The following ARHGEF10L variants were observed in gnomAD, a reference collection of about 807,000 sequenced individuals.
ARHGEF10L encodes the protein Rho guanine nucleotide exchange factor 10 like, also known as rho guanine nucleotide exchange factor 10-like protein.
A neutral mutation model predicts 141.2 loss-of-function variants in ARHGEF10L; 69 were observed. The ratio of observed to expected loss-of-function variants is 0.49; its 90% CI spans 0.40 to 0.60. The LOEUF (loss-of-function observed/expected upper bound fraction) is 0.60. Among genes scored for constraint, ARHGEF10L ranks in the 20% least tolerant of loss-of-function variants. The pLI, the probability that ARHGEF10L is intolerant of heterozygous loss-of-function variation, is 0.00. For synonymous variants in ARHGEF10L, 711 were observed against 718.5 expected (o/e 0.99, Z 0.17); for missense variants, 1,482 against 1,734.3 (o/e 0.85, Z 2.58).
intron 21 of ARHGEF10L, among the ~76,000 whole-genome samples, chr1:17,645,786 C>T (rs2061564461): frequency 6.6e-6 from 1 of 152,246 alleles, no homozygotes; most frequent in South Asian, 2.1e-4. Flanking sequence ...GGATCTTCCC[C>T]TGCTTTCCCC....
intron 25 of ARHGEF10L, among the ~76,000 whole-genome samples, chr1:17,661,392 G>T (rs1007926128): frequency 6.6e-6 from 1 of 152,102 alleles, no homozygotes; most frequent in African/African-American, 2.4e-5. Flanking sequence ...TGAGTTTTTT[G>T]ATCTATCAGT....
rs1420991134 is a variant in ARHGEF10L, at chr1:17,539,730, C to T, written c.-264C>T. 1.4e-5 allele frequency: 2 copies of T among 146,306 alleles called. No individual in the cohort carries two copies. Among genetic ancestry groups the T allele is most frequent in the Admixed American group, 1.4e-4 (2 of 14,682 alleles). 9.1% of individuals were successfully genotyped at this position (146,306 alleles called of 1,614,324 possible). A position where few individuals can be genotyped will look rare whatever the true frequency, so the allele number is the denominator to read the frequency against. On this transcript the variant is annotated 5_prime_UTR_variant, in exon 1 of 29. Transcript: ENST00000361221. The surrounding 1 kb of genome is among the most constrained non-coding windows in gnomAD (Gnocchi z 6.0). ...GCACGGCGGCGGCGGCGGGACCAGG[C>T]CTCGGAGCGCGGCGGGCGCGGGCGC... is the stretch of plus-strand genomic sequence containing the variant.
intron 1 of ARHGEF10L, among the ~76,000 whole-genome samples, chr1:17,545,112 T>C (rs2076871831): frequency 1.3e-5 from 2 of 151,978 alleles, no homozygotes; most frequent in Admixed American, 1.3e-4. Context: ...TGGGTGTGGG[T>C]GTGTGTGTAA....
Position 17,664,575 on chromosome 1 carries a change from G to A in ARHGEF10L, c.2989G>A (p.Ala997Thr), listed in dbSNP as rs1362270494. ...SCGPRVTVLE[A>T]TTLQPQQSFE... Reference sequence around the variant, plus strand: ...TGGGCCCCGGGTCACTGTCCTGGAAGCCACCACCCTGCAGCCTCAGGTACT... The same window carrying A: ...TGGGCCCCGGGTCACTGTCCTGGAAACCACCACCCTGCAGCCTCAGGTACT... The change falls in exon 26 of 29, where the codon GCC becomes ACC. Residue 997 changes from alanine (A) to threonine (T), a missense_variant. Around this residue, in one of 3 missense-constraint regions of ARHGEF10L, gnomAD observed 858 missense variants for 966.3 expected, o/e 0.89. Coordinates refer to ENST00000361221, the MANE Select transcript of ARHGEF10L (RefSeq NM_018125.4). 1 of 1,600,900 alleles carries A rather than the reference G, an allele frequency of 6.2e-7. No individual in the cohort carries two copies. Among genetic ancestry groups the A allele is most frequent in the Non-Finnish European group, 8.5e-7 (1 of 1,176,080 alleles).
intron 8 of ARHGEF10L, among the ~76,000 whole-genome samples, chr1:17,613,959 G>A (rs1421171276): frequency 6.6e-6 from 1 of 152,210 alleles, no homozygotes; most frequent in African/African-American, 2.4e-5. Context: ...TTGGGTGTAC[G>A]GTGCTGTGCT....
At chr1:17,608,756 G>A (rs116262050) in intron 7 of ARHGEF10L, among the ~76,000 whole-genome samples, 4,040 of 152,160 alleles carry the variant, frequency 0.027, 68 homozygotes, top group South Asian at 0.067. Flanking sequence ...AGGGGATGGC[G>A]TCCCTCTCAG....
intron 8 of ARHGEF10L, among the ~76,000 whole-genome samples, chr1:17,613,779 G>T (rs2059663021): frequency 6.6e-6 from 1 of 152,244 alleles, no homozygotes; most frequent in South Asian, 2.1e-4. Context: ...TAAAGGCATG[G>T]ACTTTCGAGG....
intron 15 of ARHGEF10L, among the ~76,000 whole-genome samples, chr1:17,629,789 C>T (rs970199997): frequency 2.6e-5 from 4 of 152,204 alleles, no homozygotes; most frequent in Non-Finnish European, 4.4e-5. Context: ...CTGGCCTTTG[C>T]GCTCAGGAAT....
chr1:17,546,478 G>A (rs1476590277), intron 1 of ARHGEF10L, among the ~76,000 whole-genome samples: 1 of 152,088 alleles, frequency 6.6e-6, no homozygotes, highest in Non-Finnish European at 1.5e-5. Context: ...CCTATTTTCC[G>A]ATCTTATCGA....
intron 20 of ARHGEF10L, chr1:17,640,001 A>G (rs1363446833): frequency 3.4e-6 from 5 of 1,476,834 alleles, no homozygotes; most frequent in Non-Finnish European, 4.5e-6. Flanking sequence ...TCTGGGGGTC[A>G]TTGTGGGCGG....
At chr1:17,689,986 A>G in intron 27 of ARHGEF10L, 1 of 366,230 alleles carries the variant, frequency 2.7e-6, no homozygotes, top group South Asian at 2.0e-5. Context: ...CTTTGCAGTT[A>G]CCCTTTAAGG....
chr1:17,546,752 C>T (rs1413645064), intron 1 of ARHGEF10L, among the ~76,000 whole-genome samples: 4 of 152,162 alleles, frequency 2.6e-5, no homozygotes, highest in Non-Finnish European at 2.9e-5. Flanking sequence ...GGGTTTGTTA[C>T]CTTGTGGCTC....
At chr1:17,515,690 T>C in the ARHGEF10L span, among the ~76,000 whole-genome samples, 2 of 152,200 alleles carry the variant, frequency 1.3e-5, no homozygotes, top group Middle Eastern at 6.8e-3. Context: ...TCACTCAAGC[T>C]AGGGTACAGT....
In ARHGEF10L at chr1:17,697,112, G is replaced by A. The variant is rs750040751; in HGVS notation, c.3572G>A (p.Arg1191Gln). 46 of 1,609,740 alleles carry A rather than the reference G, an allele frequency of 2.9e-5. No individual in the cohort carries two copies. In the South Asian group the frequency reaches 2.9e-4, roughly 10 times the overall value. Residue 1191 changes from arginine to glutamine, a missense_variant, in exon 29 of 29, where the codon CGG becomes CAG. Around this residue, in one of 3 missense-constraint regions of ARHGEF10L, gnomAD observed 858 missense variants for 966.3 expected, o/e 0.89. Coordinates refer to ENST00000361221, the MANE Select transcript of ARHGEF10L (RefSeq NM_018125.4). The surrounding 1 kb of genome is among the most constrained non-coding windows in gnomAD (Gnocchi z 4.8). ...AHLPGPLLSM[R>Q]EPAPADGAAL... ...CTCCCGGGCCCGCTGCTCTCCATGCGGGAGCCGGCGCCTGCTGATGGCGCA... is the reference window on the plus strand; with the variant it reads ...CTCCCGGGCCCGCTGCTCTCCATGCAGGAGCCGGCGCCTGCTGATGGCGCA...
chr1:17,517,316 A>G, the ARHGEF10L span, among the ~76,000 whole-genome samples: 1 of 152,080 alleles, frequency 6.6e-6, no homozygotes, highest in African/African-American at 2.4e-5. Context: ...TTATGTATGG[A>G]GAGGTGTTTT....
chr1:17,539,009 A>G (rs916807788), upstream of ARHGEF10L, among the ~76,000 whole-genome samples: 1 of 152,236 alleles, frequency 6.6e-6, no homozygotes, highest in South Asian at 2.1e-4. This position sits in a 1 kb window ranked among gnomAD's most constrained non-coding sequence, Gnocchi z 6.0. Flanking sequence ...CTGCAAAGGC[A>G]GGGGAATGCT....
intron 4 of ARHGEF10L, among the ~76,000 whole-genome samples, chr1:17,600,387 GTGGTCTT>G (rs923358426): frequency 2.0e-5 from 3 of 152,222 alleles, no homozygotes; most frequent in Non-Finnish European, 4.4e-5. Context: ...GTTGGCATAA[GTGGTCTT>G]TGGTCTTTGT....
rs1295725702 is a variant in ARHGEF10L at position 17,623,336 on chromosome 1, G to A, written c.1200+161G>A. Among the ~76,000 whole-genome samples, 1 of 152,144 alleles carries A rather than the reference G, an allele frequency of 6.6e-6. No individual in the cohort carries two copies. Among genetic ancestry groups the A allele is most frequent in the East Asian group, 1.9e-4 (1 of 5,170 alleles). ...TCTTCTGGGCCTGATCTAGGGGTGAGTGTGACACCTTGAAGTGGCCAGGAT... is the reference window on the plus strand; with the variant it reads ...TCTTCTGGGCCTGATCTAGGGGTGAATGTGACACCTTGAAGTGGCCAGGAT... On this transcript the variant is annotated intron_variant, in intron 12 of 28. Coordinates refer to ENST00000361221, the MANE Select transcript of ARHGEF10L (RefSeq NM_018125.4). This position sits in a 1 kb window ranked among gnomAD's most constrained non-coding sequence, Gnocchi z 4.7.
At chr1:17,688,060 A>G (rs1236017653) in intron 27 of ARHGEF10L, among the ~76,000 whole-genome samples, 2 of 152,212 alleles carry the variant, frequency 1.3e-5, no homozygotes, top group Non-Finnish European at 2.9e-5. Context: ...GCAGGAACCC[A>G]GGCCTTTCAT....
Sources: gnomAD v4.1 joint callset for allele counts (sites outside exome capture counted in the v4.1 genomes callset) on GRCh38, gnomAD v4.1.1 for gene constraint, gnomAD v4.1.1 regional missense constraint, Gnocchi (gnomAD v3.1) non-coding constraint, MANE v1.5 for transcripts, NCBI Gene and HGNC (gene_info 2026-07-23, HGNC 2026-07-21) for gene names.